ZC3H11A: variants seen among roughly 807,000 people sequenced by gnomAD.
The protein encoded by ZC3H11A is zinc finger CCCH domain-containing protein 11A.
ZC3H11A carries 22 observed loss-of-function variants against 90.8 expected under a neutral mutation model. The ratio of observed to expected loss-of-function variants is 0.24; its 90% CI spans 0.17 to 0.35. The LOEUF is 0.35. Ranked by LOEUF, ZC3H11A falls within the 10% of genes least tolerant of loss-of-function variation. The pLI, the probability that ZC3H11A is intolerant of heterozygous loss-of-function variation, is 1.00. For missense variants in ZC3H11A, 701 were observed against 964.9 expected, an observed-to-expected ratio of 0.73 and a Z score of 3.62; for synonymous variants, 294 against 339.8, an observed-to-expected ratio of 0.87 and a Z score of 1.48.
At chr1:203,797,952 C>T (rs1346644411) in intron 1 of ZC3H11A, 2 of 1,535,892 alleles carry the variant, frequency 1.3e-6, no homozygotes, top group Non-Finnish European at 1.7e-6. Flanking sequence ...TGTTGACCCC[C>T]AGTACACCTG....
chr1:203,829,684 CAAAT>C, intron 6 of ZC3H11A, 30 bp downstream of exon 6: 2 of 1,613,298 alleles, frequency 1.2e-6, no homozygotes, highest in South Asian at 1.1e-5. Flanking sequence ...TTCTTTAAGG[CAAAT>C]AAATAGGGTC....
chr1:203,848,795 A>G (rs995585417), intron 14 of ZC3H11A, among the ~76,000 whole-genome samples: 1 of 152,180 alleles, frequency 6.6e-6, no homozygotes, highest in East Asian at 1.9e-4. Context: ...TTCTAATGCT[A>G]TGCATCATAC....
rs1670735849 is a variant in ZC3H11A at position 203,802,215 on chromosome 1, A to G, written c.-947A>G. 1 of 152,606 alleles carries G rather than the reference A, an allele frequency of 6.6e-6. No homozygotes were observed. 9.5% of individuals were successfully genotyped at this position (152,606 alleles called of 1,614,324 possible). On this transcript the variant is annotated 5_prime_UTR_variant, in exon 2 of 18. Transcript: ENST00000367210. ...TGATGACGATGATGGATATATATAC[A>G]TACATCCATATTATACATAATGATA...
Position 203,847,629 on chromosome 1 carries a change from G to A in ZC3H11A, c.1488G>A (p.Pro496=), listed in dbSNP as rs200614562. 799 of 1,613,130 alleles carry A rather than the reference G, an allele frequency of 5.0e-4. No homozygotes were observed. The highest frequency in any genetic ancestry group is 6.2e-4 in the Non-Finnish European group (728 of 1,179,990). The change falls in exon 13 of 18, where the codon CCG becomes CCA. Residue 496 remains proline (P), a synonymous_variant. Transcript: ENST00000367210. The part of the protein sequence containing the change: ...QQSSESSTSS[P]SQHEATPGAR... ...GCTCTGAGAGCAGCACCAGCTCCCC[G>A]TCTCAACACGAGGCCACTCCAGGGG...
At chr1:203,824,053 G>C (rs1447283656) in intron 4 of ZC3H11A, among the ~76,000 whole-genome samples, 1 of 152,016 alleles carries the variant, frequency 6.6e-6, no homozygotes, top group Non-Finnish European at 1.5e-5. Flanking sequence ...TGGATCACCT[G>C]AGGTCAGGAG....
At chr1:203,798,797 C>A (rs904392801) in intron 1 of ZC3H11A, 7 of 1,536,158 alleles carry the variant, frequency 4.6e-6, no homozygotes, top group Non-Finnish European at 5.2e-6. Context: ...TGCATCCTTA[C>A]AACTATTTCT....
Position 203,798,002 on chromosome 1 carries a change from G to A in ZC3H11A, c.-1588+2208G>A, listed in dbSNP as rs753873554. On this transcript the variant is annotated intron_variant, in intron 1 of 17. Coordinates refer to ENST00000367210, the MANE Select transcript of ZC3H11A (RefSeq NM_001376342.1). ...ACCTCTGTGAGAAAAGCGTCAGCAG[G>A]GGTAAACCAGGTAGCCATCTTGGTA... The A allele has an allele frequency of 7.3e-5, 112 of 1,533,848 alleles. 1 individual carries two copies. In the Middle Eastern group the frequency reaches 1.8e-3, roughly 25 times the overall value.
At chr1:203,805,517 C>T (rs1672026477) in intron 2 of ZC3H11A, 1 of 484,716 alleles carries the variant, frequency 2.1e-6, no homozygotes, top group African/African-American at 2.0e-5. Flanking sequence ...TTAAACTTTC[C>T]TTCAAAGAAA....
intron 2 of ZC3H11A, among the ~76,000 whole-genome samples, chr1:203,813,209 TTTTTTG>T (rs1675111483): frequency 6.6e-6 from 1 of 151,704 alleles, no homozygotes. Flanking sequence ...TTGTTTTTTG[TTTTTTG>T]TTTTTTTTTG....
chr1:203,796,551 C>A, intron 1 of ZC3H11A: 1 of 398,692 alleles, frequency 2.5e-6, no homozygotes. Context: ...GGCCTTGGTT[C>A]TGGACCTTGA....
rs150416242 is a variant in ZC3H11A at position 203,802,714 on chromosome 1, C to CTTTTTTTTTTTTTTTTTTTTTT, written c.-439_-438insTTTTTTTTTTTTTTTTTTTTTT. On this transcript the variant is annotated 5_prime_UTR_variant, in exon 2 of 18. It removes the in-frame stop codon of an upstream open reading frame in the 5' UTR. Coordinates refer to ENST00000367210, the MANE Select transcript of ZC3H11A (RefSeq NM_001376342.1). ...TCTCAAGTTCATCTTTAAATGAACT[C>CTTTTTTTTTTTTTTTTTTTTTT]TTTTTTTTTGTTTTTTTTTTGTTTT... 5.3e-5 allele frequency: 7 copies of CTTTTTTTTTTTTTTTTTTTTTT among 131,642 alleles called. No homozygotes were observed. Among genetic ancestry groups the CTTTTTTTTTTTTTTTTTTTTTT allele is most frequent in the African/African-American group, 1.1e-4 (4 of 36,470 alleles). 8.2% of individuals were successfully genotyped at this position (131,642 alleles called of 1,614,324 possible).
chr1:203,796,568 G>A (rs1360501814), intron 1 of ZC3H11A: 2 of 398,288 alleles, frequency 5.0e-6, no homozygotes, highest in Non-Finnish European at 8.9e-6. Context: ...TTGAGAAAGA[G>A]GCTGTGGAAC....
chr1:203,809,945 ACT>A (rs989772447), intron 2 of ZC3H11A, among the ~76,000 whole-genome samples: 18 of 151,974 alleles, frequency 1.2e-4, no homozygotes, highest in African/African-American at 3.4e-4. Flanking sequence ...ACAGAGCGAG[ACT>A]CTCTCAAAAA....
intron 5 of ZC3H11A, 136 bp from the exon 6 acceptor site, chr1:203,829,315 T>C (rs973734453): frequency 1.1e-5 from 9 of 854,048 alleles, no homozygotes; most frequent in Non-Finnish European, 1.6e-5. Flanking sequence ...CCTGGGACTT[T>C]AGAACTTAAA....
At chr1:203,815,022 G>T (rs1236752139) in intron 2 of ZC3H11A, 2 of 151,678 alleles carry the variant, frequency 1.3e-5, no homozygotes, top group Non-Finnish European at 2.9e-5. Flanking sequence ...TAGAGATGGG[G>T]TTTCGCCATG....
At chr1:203,839,590 A>G (rs904820833) in intron 11 of ZC3H11A, among the ~76,000 whole-genome samples, 3 of 152,152 alleles carry the variant, frequency 2.0e-5, no homozygotes, top group Admixed American at 2.0e-4. Context: ...TCTCAGAGCA[A>G]GCAAAAGTTA....
intron 10 of ZC3H11A, chr1:203,835,890 T>G (rs1169147268): frequency 4.1e-6 from 1 of 243,156 alleles, no homozygotes; most frequent in Admixed American, 4.4e-5. Flanking sequence ...AAAAATGCCC[T>G]TGGACCACAG....
At chr1:203,849,484 T>C (rs16852392) in intron 14 of ZC3H11A, among the ~76,000 whole-genome samples, 5,734 of 152,310 alleles carry the variant, frequency 0.038, 324 homozygotes, top group African/African-American at 0.13. Context: ...CTTAGAGTCA[T>C]GGTTGTCTAG....
rs774503016 is a variant in ZC3H11A, at chr1:203,847,658, G to C, written c.1517G>C (p.Arg506Thr). ...PSQHEATPGA[R>T]RLLRITKRTG... ...CAACACGAGGCCACTCCAGGGGCAA[G>C]GCGGCTGCTGCGAATCACCAAAAGA... Residue 506 changes from arginine to threonine, a missense_variant, in exon 13 of 18, where the codon AGG becomes ACG. Around this residue, in one of 4 missense-constraint regions of ZC3H11A, gnomAD observed 530 missense variants for 696.2 expected, o/e 0.76. Coordinates refer to ENST00000367210, the MANE Select transcript of ZC3H11A (RefSeq NM_001376342.1). The C allele has an allele frequency of 8.1e-6, 13 of 1,612,574 alleles. No individual in the cohort carries two copies. The East Asian group carries it at 2.7e-4, about 33-fold the overall frequency.
Sources: allele counts gnomAD v4.1 joint callset (sites outside exome capture counted in the v4.1 genomes callset), GRCh38; gene constraint gnomAD v4.1.1; regional missense constraint gnomAD v4.1.1; transcripts MANE v1.5; gene names NCBI Gene and HGNC (gene_info 2026-07-23, HGNC 2026-07-21).